Variants in LRRC4C observed in about 807,000 individuals in gnomAD.
The protein encoded by LRRC4C is leucine-rich repeat-containing protein 4C.
LRRC4C carries 5 observed loss-of-function variants against 33.6 expected under a neutral mutation model. The ratio of observed to expected loss-of-function variants is 0.15; its 90% CI spans 0.08 to 0.31. The LOEUF (loss-of-function observed/expected upper bound fraction) is 0.31, where lower values mean the gene tolerates loss of function less well. Among genes scored for constraint, LRRC4C ranks in the 10% least tolerant of loss-of-function variants. The pLI, the probability that LRRC4C is intolerant of heterozygous loss-of-function variation, is 1.00. For missense variants in LRRC4C, 560 were observed against 796.7 expected (o/e 0.70, Z 3.58); for synonymous variants, 329 against 302.0 (o/e 1.09, Z -0.93).
intron 1 of LRRC4C, among the ~76,000 whole-genome samples, chr11:41,249,160 GAGT>G (rs1398226730): frequency 6.6e-6 from 1 of 151,118 alleles, no homozygotes; most frequent in Non-Finnish European, 1.5e-5. Context: ...TCAGCCTCCC[GAGT>G]ACCTGGGACT....
chr11:40,140,213 C>A (rs765360096), intron 6 of LRRC4C, among the ~76,000 whole-genome samples: 16 of 152,174 alleles, frequency 1.1e-4, no homozygotes, highest in Non-Finnish European at 2.1e-4. Flanking sequence ...AATGATGATA[C>A]AATAAATCAT....
intron 3 of LRRC4C, among the ~76,000 whole-genome samples, chr11:40,431,152 A>G (rs891752661): frequency 2.6e-5 from 4 of 151,488 alleles, no homozygotes; most frequent in Admixed American, 1.3e-4. Flanking sequence ...AAAAAAAAAA[A>G]AAAGAACAAT....
chr11:40,978,901 G>A (rs553139813), intron 1 of LRRC4C, among the ~76,000 whole-genome samples: 5 of 152,096 alleles, frequency 3.3e-5, no homozygotes, highest in Admixed American at 6.6e-5. Context: ...CAAAATGCTA[G>A]GATTGCAGGG....
At chr11:40,152,305 G>T (rs957575539) in intron 5 of LRRC4C, among the ~76,000 whole-genome samples, 1 of 152,190 alleles carries the variant, frequency 6.6e-6, no homozygotes, top group East Asian at 1.9e-4. Flanking sequence ...TTGGGAGTTC[G>T]CTGGGTCCCC....
intron 1 of LRRC4C, among the ~76,000 whole-genome samples, chr11:41,303,997 G>GA (rs1263952898): frequency 3.7e-5 from 3 of 80,008 alleles, no homozygotes; most frequent in African/African-American, 1.0e-4. Flanking sequence ...GAGGGAGGTG[G>GA]GGGGGGTCAG....
At chr11:40,675,828 A>G (rs952798371) in intron 2 of LRRC4C, among the ~76,000 whole-genome samples, 37 of 152,136 alleles carry the variant, frequency 2.4e-4, no homozygotes, top group African/African-American at 8.4e-4. Context: ...TTGGAACAGG[A>G]TATGTTTATT....
rs954721006 is a variant in LRRC4C, at chr11:41,039,031, C to A, written c.-495-105308G>T. 5.8e-4 allele frequency among the ~76,000 whole-genome samples: 88 copies of A among 152,172 alleles called. 1 individual carries two copies. The highest frequency in any genetic ancestry group is 2.0e-3 in the African/African-American group (85 of 41,538). On this transcript the variant is annotated intron_variant, in intron 1 of 6. Transcript: ENST00000528697. ...AAGGCTCGATATCAAGATGGGTATT[C>A]CTAGGTTTCCATCTAAGATTTTTAT... is the stretch of plus-strand genomic sequence containing the variant.
At chr11:40,490,663 T>C (rs375646655) in intron 3 of LRRC4C, among the ~76,000 whole-genome samples, 1 of 152,194 alleles carries the variant, frequency 6.6e-6, no homozygotes, top group Non-Finnish European at 1.5e-5. Flanking sequence ...CCTTTTCCAC[T>C]GGTGAAGATA....
intron 1 of LRRC4C, among the ~76,000 whole-genome samples, chr11:41,208,751 AC>A (rs914324718): frequency 5.3e-5 from 8 of 152,204 alleles, no homozygotes; most frequent in Non-Finnish European, 1.2e-4. Flanking sequence ...TGCTATTCCT[AC>A]CATAAACCAA....
intron 4 of LRRC4C, among the ~76,000 whole-genome samples, chr11:40,307,170 A>AT (rs1945082564): frequency 1.3e-5 from 2 of 151,942 alleles, no homozygotes; most frequent in Admixed American, 1.3e-4. Flanking sequence ...CTCACCCCCC[A>AT]TTATGACAAT....
rs116440001 is a variant in LRRC4C at position 41,302,861 on chromosome 11, G to C, written c.-496+156570C>G. ...TTGCCCACTATACTCCCAAAGCATC[G>C]TTTCATTTTCTCTTCAGTGCTGTGA... On this transcript the variant is annotated intron_variant, in intron 1 of 6. Transcript: ENST00000528697. 7.5e-3 allele frequency among the ~76,000 whole-genome samples: 1,145 copies of C among 152,068 alleles called. 10 individuals carry two copies. The highest frequency in any genetic ancestry group is 0.025 in the African/African-American group (1,050 of 41,456).
intron 3 of LRRC4C, among the ~76,000 whole-genome samples, chr11:40,533,494 A>G (rs1444169014): frequency 6.6e-6 from 1 of 151,850 alleles, no homozygotes; most frequent in Non-Finnish European, 1.5e-5. Context: ...GGGAGAATTG[A>G]CCTCAAAGGT....
intron 2 of LRRC4C, among the ~76,000 whole-genome samples, chr11:40,672,873 C>A (rs1004624909): frequency 2.0e-5 from 3 of 152,116 alleles, no homozygotes; most frequent in Admixed American, 6.6e-5. Flanking sequence ...AAGACTTTGA[C>A]TTCTTCACCT....
intron 5 of LRRC4C, among the ~76,000 whole-genome samples, chr11:40,147,563 C>T (rs1236715668): frequency 1.3e-5 from 2 of 151,918 alleles, no homozygotes; most frequent in Non-Finnish European, 2.9e-5. Flanking sequence ...GTTCTAGACA[C>T]TGGGGATTCT....
intron 1 of LRRC4C, among the ~76,000 whole-genome samples, chr11:41,102,891 T>TCACATAC (rs1399631538): frequency 1.3e-5 from 2 of 151,952 alleles, no homozygotes; most frequent in African/African-American, 4.8e-5. Context: ...ATAATACTTT[T>TCACATAC]TTAAGTATGT....
At chr11:40,537,031 A>AT (rs1956502090) in intron 3 of LRRC4C, among the ~76,000 whole-genome samples, 1 of 152,210 alleles carries the variant, frequency 6.6e-6, no homozygotes, top group South Asian at 2.1e-4. Flanking sequence ...TCTTTAACAA[A>AT]TACGTGTTTA....
At chr11:40,778,950 C>T (rs1385409273) in intron 2 of LRRC4C, among the ~76,000 whole-genome samples, 1 of 152,140 alleles carries the variant, frequency 6.6e-6, no homozygotes, top group African/African-American at 2.4e-5. Context: ...CCTGTTGCAG[C>T]ATTTTAGGCA....
chr11:40,863,073 G>A (rs1380683592), intron 2 of LRRC4C, among the ~76,000 whole-genome samples: 6 of 152,202 alleles, frequency 3.9e-5, no homozygotes, highest in Non-Finnish European at 7.3e-5. Flanking sequence ...AGTGCAAGGA[G>A]GAAGATGGAA....
chr11:40,977,611 T>C (rs1265632762), intron 1 of LRRC4C, among the ~76,000 whole-genome samples: 1 of 152,068 alleles, frequency 6.6e-6, no homozygotes, highest in Non-Finnish European at 1.5e-5. Context: ...TCTAGACAAG[T>C]AGTTAAGATC....
Sources: gnomAD v4.1 joint callset for allele counts (sites outside exome capture counted in the v4.1 genomes callset) on GRCh38, gnomAD v4.1.1 for gene constraint, MANE v1.5 for transcripts, NCBI Gene and HGNC (gene_info 2026-07-23, HGNC 2026-07-21) for gene names.